The following HCN1 variants were observed in gnomAD, a reference collection of about 807,000 sequenced individuals.
The protein encoded by HCN1 is potassium/sodium hyperpolarization-activated cyclic nucleotide-gated channel 1.
HCN1 carries 13 observed loss-of-function variants against 78.9 expected under a neutral mutation model. The ratio of observed to expected loss-of-function variants is 0.16; its 90% CI spans 0.11 to 0.26. The LOEUF (loss-of-function observed/expected upper bound fraction) is 0.26. HCN1 is among the 10% of genes least tolerant of loss of function. The pLI is 1.00. For synonymous variants in HCN1, 552 were observed against 455.5 expected, an observed-to-expected ratio of 1.21 and a Z score of -2.70; for missense variants, 810 against 1,154.3, an observed-to-expected ratio of 0.70 and a Z score of 4.32.
At chr5:45,304,388 T>C (rs1745687389) in intron 5 of HCN1, among the ~76,000 whole-genome samples, 3 of 151,848 alleles carry the variant, frequency 2.0e-5, no homozygotes, top group Non-Finnish European at 2.9e-5. Context: ...AATCTAAAAG[T>C]ATAAATTCAT....
At chr5:45,659,638 C>A (rs1301928783) in intron 1 of HCN1, among the ~76,000 whole-genome samples, 1 of 143,730 alleles carries the variant, frequency 7.0e-6, no homozygotes, top group Non-Finnish European at 1.5e-5. Flanking sequence ...AACCAAGGCT[C>A]GAGAACTACG....
At chr5:45,633,439 A>G (rs942230345) in intron 2 of HCN1, among the ~76,000 whole-genome samples, 1 of 151,950 alleles carries the variant, frequency 6.6e-6, no homozygotes, top group African/African-American at 2.4e-5. Flanking sequence ...CTGCTCTCTT[A>G]GAAGCCTTTC....
intron 2 of HCN1, among the ~76,000 whole-genome samples, chr5:45,477,333 C>T (rs900990191): frequency 6.6e-6 from 1 of 152,168 alleles, no homozygotes; most frequent in Non-Finnish European, 1.5e-5. Context: ...TATAATCATT[C>T]AGAATGGTGA....
At chr5:45,664,523 G>T in intron 1 of HCN1, among the ~76,000 whole-genome samples, 1 of 147,026 alleles carries the variant, frequency 6.8e-6, no homozygotes, top group Non-Finnish European at 1.5e-5. Context: ...CCTACAAAAT[G>T]GGAGAAAATT....
intron 3 of HCN1, among the ~76,000 whole-genome samples, chr5:45,398,235 A>T (rs1175727778): frequency 6.6e-6 from 1 of 152,006 alleles, no homozygotes; most frequent in African/African-American, 2.4e-5. Context: ...TTATTTTTTA[A>T]TTTAACTTTT....
In HCN1 at chr5:45,255,745, C is replaced by T. The variant is rs1168724002; in HGVS notation, c.*6176G>A. ...CAAATTTCTTTGGGTTATGTTCTTT[C>T]TTCCTTCAAAAGTAAATCTTTCCTT... On this transcript the variant is annotated 3_prime_UTR_variant, in exon 8 of 8. Transcript: ENST00000303230. 6.6e-6 allele frequency: 1 copy of T among 152,172 alleles called. No homozygotes were observed. The highest frequency in any genetic ancestry group is 1.5e-5 in the Non-Finnish European group (1 of 68,018). The allele number at this position is 152,172 out of a possible 1,614,324, so 9.4% of individuals were successfully genotyped here.
At chr5:45,262,926 A>T in intron 7 of HCN1, 116 bp from the exon 8 acceptor site, 1 of 1,097,306 alleles carries the variant, frequency 9.1e-7, no homozygotes, top group Non-Finnish European at 1.3e-6. Context: ...AGAGGCTTAA[A>T]AAGCCAGTCA....
chr5:45,577,798 A>G (rs531877261), intron 2 of HCN1, among the ~76,000 whole-genome samples: 1 of 152,166 alleles, frequency 6.6e-6, no homozygotes, highest in African/African-American at 2.4e-5. Context: ...AAATGTACTT[A>G]GAAATACGAA....
chr5:45,312,652 C>A (rs1579801095), intron 5 of HCN1, among the ~76,000 whole-genome samples: 1 of 152,168 alleles, frequency 6.6e-6, no homozygotes, highest in Non-Finnish European at 1.5e-5. Context: ...CCTGGAAAAT[C>A]GGGTCACTCC....
intron 1 of HCN1, among the ~76,000 whole-genome samples, chr5:45,667,803 G>A (rs1013877016): frequency 1.3e-5 from 2 of 151,760 alleles, no homozygotes; most frequent in African/African-American, 4.8e-5. Flanking sequence ...TAGTTCTTCC[G>A]ACAATAGCCA....
At chr5:45,452,190 G>T (rs1278836950) in intron 3 of HCN1, among the ~76,000 whole-genome samples, 1 of 151,944 alleles carries the variant, frequency 6.6e-6, no homozygotes, top group Non-Finnish European at 1.5e-5. Context: ...ACAGCTAGGT[G>T]TGCCTATTTC....
intron 2 of HCN1, among the ~76,000 whole-genome samples, chr5:45,570,026 A>G (rs1415369595): frequency 2.0e-5 from 3 of 152,170 alleles, no homozygotes; most frequent in African/African-American, 7.2e-5. Context: ...AAAAATTTGT[A>G]GGTATTTGCC....
At chr5:45,693,385 T>A (rs941052558) in intron 1 of HCN1, among the ~76,000 whole-genome samples, 1 of 152,150 alleles carries the variant, frequency 6.6e-6, no homozygotes. Flanking sequence ...CAGATATCTT[T>A]CAGTTTAAAA....
intron 3 of HCN1, among the ~76,000 whole-genome samples, chr5:45,413,397 C>A (rs1408260517): frequency 2.0e-5 from 3 of 151,930 alleles, no homozygotes; most frequent in African/African-American, 7.3e-5. Context: ...CTTTGTAAAC[C>A]AGTCGGTGCC....
chr5:45,393,094 T>G (rs1444557270), intron 4 of HCN1, among the ~76,000 whole-genome samples: 1 of 152,198 alleles, frequency 6.6e-6, no homozygotes, highest in Non-Finnish European at 1.5e-5. Flanking sequence ...TAAAGGGATT[T>G]GGAATTGATA....
intron 3 of HCN1, among the ~76,000 whole-genome samples, chr5:45,424,119 C>CAAAAAAAAA (rs35117761): frequency 8.8e-3 from 566 of 64,334 alleles, no homozygotes; most frequent in Non-Finnish European, 0.013. Flanking sequence ...ACTAAAAATC[C>CAAAAAAAAA]AAAAAAAAAA....
intron 2 of HCN1, among the ~76,000 whole-genome samples, chr5:45,628,910 A>C (rs917765522): frequency 6.6e-6 from 1 of 151,910 alleles, no homozygotes; most frequent in African/African-American, 2.4e-5. Context: ...AGGAGGTCAC[A>C]GTGAGCTAGG....
At chr5:45,544,042 C>T (rs1306646946) in intron 2 of HCN1, among the ~76,000 whole-genome samples, 4 of 151,952 alleles carry the variant, frequency 2.6e-5, no homozygotes, top group Non-Finnish European at 4.4e-5. Context: ...TTTCAACTTC[C>T]ATTATTCCAT....
chr5:45,476,464 G>C (rs1741517540), intron 2 of HCN1, among the ~76,000 whole-genome samples: 1 of 152,104 alleles, frequency 6.6e-6, no homozygotes, highest in Non-Finnish European at 1.5e-5. Flanking sequence ...ACTAAGACAA[G>C]GGAGGCATCA....
Sources: gnomAD v4.1 joint callset for allele counts (sites outside exome capture counted in the v4.1 genomes callset) on GRCh38, gnomAD v4.1.1 for gene constraint, MANE v1.5 for transcripts, NCBI Gene and HGNC (gene_info 2026-07-23, HGNC 2026-07-21) for gene names.